NENF: variants seen among roughly 807,000 people sequenced by gnomAD.
NENF encodes neudesin.
A neutral mutation model predicts 14.8 loss-of-function variants in NENF; 6 were observed. That is an observed-to-expected ratio of 0.40 (90% CI 0.22 to 0.80). NENF has a LOEUF of 0.80. Ranked by LOEUF, NENF falls within the 30% of genes least tolerant of loss-of-function variation. The probability of loss-of-function intolerance (pLI) is 0.34; values close to 1 mark genes in which losing one functional copy is unlikely to be tolerated. For missense variants in NENF, 184 were observed against 212.7 expected (o/e 0.87, Z 0.84); for synonymous variants, 76 against 95.1 (o/e 0.80, Z 1.17).
Position 212,444,357 on chromosome 1 carries a change from C to T in NENF, c.257C>T (p.Ala86Val). The change falls in exon 3 of 4, where the codon GCC (alanine) becomes GTC (valine). Residue 86 changes from alanine (A) to valine (V), a missense_variant. Coordinates refer to ENST00000366988, the MANE Select transcript of NENF (RefSeq NM_013349.5). ...ACTACAGAGTTTTATGGACGAGGAG[C>T]CCCCTACAATGCCTTGACGGGGAAG... ...TSGKEFYGRGAPYNALTGKDS... is the reference protein window; with the variant it reads ...TSGKEFYGRGVPYNALTGKDS... 1 of 1,602,646 alleles carries T rather than the reference C, an allele frequency of 6.2e-7. No homozygotes were observed. Among genetic ancestry groups the T allele is most frequent in the Middle Eastern group, 1.7e-4 (1 of 6,014 alleles).
intron 1 of NENF, among the ~76,000 whole-genome samples, chr1:212,442,091 G>A (rs1287408085): frequency 2.0e-5 from 3 of 151,946 alleles, no homozygotes; most frequent in African/African-American, 4.8e-5. Context: ...GGTTCACTAC[G>A]ACCTCTGCCT....
rs144990184 is a variant in NENF, at chr1:212,445,841, G to A, written c.354G>A (p.Thr118=). 5.6e-6 allele frequency: 9 copies of A among 1,614,092 alleles called. No individual in the cohort carries two copies. The highest frequency in any genetic ancestry group is 1.7e-4 in the Middle Eastern group (1 of 6,054). Residue 118 remains threonine, a synonymous_variant, in exon 4 of 4, where the codon ACG becomes ACA. Coordinates refer to ENST00000366988, the MANE Select transcript of NENF (RefSeq NM_013349.5). Reference sequence around the variant, plus strand: ...CTTTTCTCCCCAAGACGGGTCTCACGGCCAAGGAACTGGAGGCCCTGGATG... The same window carrying A: ...CTTTTCTCCCCAAGACGGGTCTCACAGCCAAGGAACTGGAGGCCCTGGATG... ...ADLTHDTTGL[T]AKELEALDEV...
rs934820954 is a variant in NENF, at chr1:212,446,339, A to G, written c.*333A>G. ...TTTCAGCCATGACCATGTTCACTTT[A>G]TAATCAAAACAAAAATAAAGGTCCC... On this transcript the variant is annotated 3_prime_UTR_variant, in exon 4 of 4. Transcript: ENST00000366988. The G allele has an allele frequency of 9.5e-5, 21 of 219,940 alleles. No homozygotes were observed. The highest frequency in any genetic ancestry group is 4.3e-4 in the African/African-American group (19 of 43,724). 13.6% of individuals were successfully genotyped at this position (219,940 alleles called of 1,614,324 possible). A position where few individuals can be genotyped will look rare whatever the true frequency, so the allele number is the denominator to read the frequency against.
At chr1:212,439,854 C>T (rs745608801) in intron 1 of NENF, among the ~76,000 whole-genome samples, 25 of 149,362 alleles carry the variant, frequency 1.7e-4, no homozygotes, top group Non-Finnish European at 1.5e-4. Context: ...AGCTAGACTC[C>T]GTCCCCCCCC....
intron 1 of NENF, among the ~76,000 whole-genome samples, chr1:212,436,977 C>T (rs1386839251): frequency 6.6e-6 from 1 of 151,386 alleles, no homozygotes; most frequent in Non-Finnish European, 1.5e-5. Flanking sequence ...TTTGTGAATG[C>T]CTGCATTAAA....
At chr1:212,442,219 C>T (rs575009668) in intron 1 of NENF, among the ~76,000 whole-genome samples, 2 of 152,356 alleles carry the variant, frequency 1.3e-5, no homozygotes, top group South Asian at 4.1e-4. Flanking sequence ...ACCATATTGG[C>T]CAGGCTGGTC....
rs910597018 is a variant in NENF, at chr1:212,446,234, C to G, written c.*228C>G. 2.0e-6 allele frequency: 1 copy of G among 507,200 alleles called. No homozygotes were observed. The highest frequency in any genetic ancestry group is 3.5e-6 in the Non-Finnish European group (1 of 285,386). 31.4% of individuals were successfully genotyped at this position (507,200 alleles called of 1,614,324 possible). On this transcript the variant is annotated 3_prime_UTR_variant, in exon 4 of 4. Transcript: ENST00000366988. ...ATCAATAAGAGCCAAAGTGGGACAC[C>G]TCCTAGATGTCAGTATCAGCTGGCT...
intron 1 of NENF, among the ~76,000 whole-genome samples, chr1:212,436,836 A>G (rs1291471323): frequency 1.3e-5 from 2 of 150,444 alleles, no homozygotes; most frequent in Non-Finnish European, 2.9e-5. Context: ...TAATCCCAGC[A>G]CTCACTTTGG....
intron 1 of NENF, among the ~76,000 whole-genome samples, chr1:212,439,808 C>G (rs574414638): frequency 6.6e-6 from 1 of 151,630 alleles, no homozygotes; most frequent in African/African-American, 2.4e-5. Flanking sequence ...TGCAGTGAGC[C>G]GAGATTGTGC....
At chr1:212,439,398 C>T (rs985278626) in intron 1 of NENF, among the ~76,000 whole-genome samples, 2 of 150,780 alleles carry the variant, frequency 1.3e-5, no homozygotes, top group Admixed American at 1.3e-4. Flanking sequence ...AAAAATTAGC[C>T]AAGCATGGTG....
At chr1:212,439,544 TA>T (rs574453544) in intron 1 of NENF, among the ~76,000 whole-genome samples, 14 of 137,888 alleles carry the variant, frequency 1.0e-4, no homozygotes, top group Admixed American at 2.2e-4. Flanking sequence ...CTCCTTCTCA[TA>T]AAAAAAAAAG....
Position 212,446,155 on chromosome 1 carries a change from T to C in NENF, c.*149T>C, listed in dbSNP as rs1662776357. 2.7e-6 allele frequency: 2 copies of C among 748,080 alleles called. No homozygotes were observed. The highest frequency in any genetic ancestry group is 1.9e-5 in the South Asian group (1 of 52,984). 46.3% of individuals were successfully genotyped at this position (748,080 alleles called of 1,614,324 possible). A position where few individuals can be genotyped will look rare whatever the true frequency, so the allele number is the denominator to read the frequency against. On this transcript the variant is annotated 3_prime_UTR_variant, in exon 4 of 4. Transcript: ENST00000366988. ...ACCCTGGAAGAGCAAATGCCTCCTG[T>C]TGTCCTTGGTCAGGGGTTCTGTCTA... is the stretch of plus-strand genomic sequence containing the variant.
chr1:212,437,571 A>G (rs1662628870), intron 1 of NENF, among the ~76,000 whole-genome samples: 2 of 152,092 alleles, frequency 1.3e-5, no homozygotes, highest in African/African-American at 4.8e-5. Context: ...ACCCGCCTCT[A>G]TCAGTCACAC....
chr1:212,438,706 G>A (rs11119937), intron 1 of NENF, among the ~76,000 whole-genome samples: 12,836 of 147,906 alleles, frequency 0.087, 1,074 homozygotes, highest in East Asian at 0.41. Context: ...TGCAACCTCC[G>A]CCTCCCGGGT....
chr1:212,438,138 C>A (rs182009750), intron 1 of NENF, among the ~76,000 whole-genome samples: 147 of 152,234 alleles, frequency 9.7e-4, no homozygotes, highest in African/African-American at 3.1e-3. Context: ...GTGTGTTGAA[C>A]AAAATTGAAA....
intron 1 of NENF, among the ~76,000 whole-genome samples, chr1:212,438,168 TGTG>T (rs1662638393): frequency 6.6e-6 from 1 of 152,226 alleles, no homozygotes; most frequent in Non-Finnish European, 1.5e-5. Context: ...AAAAAGGTAG[TGTG>T]TTCCAGAGTG....
chr1:212,445,965 C>T lies in NENF; in HGVS notation c.478C>T (p.Pro160Ser). The T allele has an allele frequency of 1.9e-6, 3 of 1,614,190 alleles. No individual in the cohort carries two copies. Among genetic ancestry groups the T allele is most frequent in the East Asian group, 2.2e-5 (1 of 44,886 alleles). ...TGGCAGCCCTAACCTGGACTTCAAG[C>T]CTGAAGACCAGCCCCATTTTGACAT... ...EDGSPNLDFK[P>S]EDQPHFDIKD... The change falls in exon 4 of 4, where the codon CCT (proline) becomes TCT (serine). Residue 160 changes from proline to serine, a missense_variant. Coordinates refer to ENST00000366988, the MANE Select transcript of NENF (RefSeq NM_013349.5).
intron 3 of NENF, among the ~76,000 whole-genome samples, chr1:212,445,119 G>A (rs1396877679): frequency 1.3e-5 from 2 of 152,076 alleles, no homozygotes; most frequent in African/African-American, 2.4e-5. Flanking sequence ...GCTGAGTGTG[G>A]TGGTGCACAC....
At position 212,433,061 on chromosome 1, in the gene NENF, C is replaced by T. The variant is rs1662543666; in HGVS notation, c.118C>T (p.Arg40Trp). The T allele has an allele frequency of 3.7e-5, 44 of 1,193,598 alleles. No homozygotes were observed. Among genetic ancestry groups the T allele is most frequent in the Non-Finnish European group, 4.6e-5 (44 of 962,974 alleles). The allele number at this position is 1,193,598 out of a possible 1,614,324, so 73.9% of individuals were successfully genotyped here. Residue 40 changes from arginine (R) to tryptophan (W), a missense_variant, in exon 1 of 4, where the codon CGG (arginine) becomes TGG (tryptophan). Physicochemically the swap from Arg to Trp is moderately radical, Grantham distance 101. Transcript: ENST00000366988. This position sits in a 1 kb window ranked among gnomAD's most constrained non-coding sequence, Gnocchi z 5.5. Reference sequence around the variant, plus strand: ...CGGGCAGACACCGCGCCCTGCCGAGCGGGGGCCCCCAGTGCGGCTTTTCAC... The same window carrying T: ...CGGGCAGACACCGCGCCCTGCCGAGTGGGGGCCCCCAGTGCGGCTTTTCAC... ...RAGQTPRPAERGPPVRLFTEE... is the reference protein window; with the variant it reads ...RAGQTPRPAEWGPPVRLFTEE...
Sources: allele counts gnomAD v4.1 joint callset (sites outside exome capture counted in the v4.1 genomes callset), GRCh38; gene constraint gnomAD v4.1.1; non-coding constraint Gnocchi (gnomAD v3.1); transcripts MANE v1.5; gene names NCBI Gene and HGNC (gene_info 2026-07-23, HGNC 2026-07-21).